Variants in ZNF385D observed in about 807,000 individuals in gnomAD.
The protein encoded by ZNF385D is zinc finger protein 385D, also known as zinc finger protein 659.
A neutral mutation model predicts 35.8 loss-of-function variants in ZNF385D; 15 were observed. That is an observed-to-expected ratio of 0.42 (90% CI 0.28 to 0.64). ZNF385D has a LOEUF of 0.64. Among genes scored for constraint, ZNF385D ranks in the 30% least tolerant of loss-of-function variants. The pLI, the probability that ZNF385D is intolerant of heterozygous loss-of-function variation, is 0.23. For synonymous variants in ZNF385D, 212 were observed against 186.8 expected (o/e 1.13, Z -1.10); for missense variants, 474 against 494.6 (o/e 0.96, Z 0.39).
At position 22,150,017 on chromosome 3, in the gene ZNF385D, G is replaced by A. The variant is rs1310231684; in HGVS notation, c.325+18800C>T. 2.0e-5 allele frequency among the ~76,000 whole-genome samples: 3 copies of A among 152,060 alleles called. No individual in the cohort carries two copies. The East Asian group carries it at 5.8e-4, about 29-fold the overall frequency. ...TCCAAATAACTCAGTTATTTCAGATGAAATAATGAATTAAAATTCACATAT... is the reference window on the plus strand; with the variant it reads ...TCCAAATAACTCAGTTATTTCAGATAAAATAATGAATTAAAATTCACATAT... On this transcript the variant is annotated intron_variant, in intron 3 of 5. Transcript: ENST00000494108.
intron 2 of ZNF385D, among the ~76,000 whole-genome samples, chr3:22,308,822 C>A (rs1321449167): frequency 6.6e-6 from 1 of 152,038 alleles, no homozygotes; most frequent in Non-Finnish European, 1.5e-5. Context: ...TGGATCTGCT[C>A]CGTTTTTCAT....
In ZNF385D at chr3:22,350,554, A is replaced by T. The variant is rs1695869252; in HGVS notation, c.106+21896T>A. On this transcript the variant is annotated intron_variant, in intron 2 of 5. Transcript: ENST00000494108. Reference sequence around the variant, plus strand: ...CTTGACAAACCTTAGCAAATTCTTAATTCAATTAATATTTGTTGAAGACAC... The same window carrying T: ...CTTGACAAACCTTAGCAAATTCTTATTTCAATTAATATTTGTTGAAGACAC... 2.6e-5 allele frequency among the ~76,000 whole-genome samples: 4 copies of T among 152,252 alleles called. No individual in the cohort carries two copies. The South Asian group carries it at 8.3e-4, about 31-fold the overall frequency.
intron 3 of ZNF385D, among the ~76,000 whole-genome samples, chr3:22,159,336 C>T (rs777944742): frequency 6.6e-6 from 1 of 151,916 alleles, no homozygotes; most frequent in Non-Finnish European, 1.5e-5. Context: ...TCTTTTTTGG[C>T]TTCACTTAAT....
At chr3:21,566,057 T>TTGTC (rs1319707928) in intron 2 of ZNF385D, among the ~76,000 whole-genome samples, 1 of 152,140 alleles carries the variant, frequency 6.6e-6, no homozygotes, top group African/African-American at 2.4e-5. Flanking sequence ...TCCTATTAGG[T>TTGTC]TGTCTAGGTA....
chr3:21,946,749 T>A (rs922671801), intron 3 of ZNF385D, among the ~76,000 whole-genome samples: 8 of 152,184 alleles, frequency 5.3e-5, no homozygotes, highest in Non-Finnish European at 1.0e-4. Flanking sequence ...GGAGAAACAC[T>A]TGAACCCAAG....
intron 3 of ZNF385D, among the ~76,000 whole-genome samples, chr3:21,927,276 T>C (rs1575935470): frequency 6.6e-6 from 1 of 152,130 alleles, no homozygotes; most frequent in African/African-American, 2.4e-5. Flanking sequence ...TAAATCTCTT[T>C]TTTTTTAATA....
chr3:21,728,827 T>C (rs12630769), intron 1 of ZNF385D, among the ~76,000 whole-genome samples: 25,427 of 152,208 alleles, frequency 0.17, 2,597 homozygotes, highest in Admixed American at 0.3. Context: ...ATGGCACTTA[T>C]TATATTCTAA....
intron 3 of ZNF385D, among the ~76,000 whole-genome samples, chr3:21,922,727 G>A (rs1161405437): frequency 2.0e-5 from 3 of 152,102 alleles, no homozygotes; most frequent in Admixed American, 1.3e-4. Context: ...CATCTGCTGT[G>A]GGAAGGAATT....
chr3:22,299,555 A>T (rs1702784270), intron 2 of ZNF385D, among the ~76,000 whole-genome samples: 1 of 151,900 alleles, frequency 6.6e-6, no homozygotes, highest in African/African-American at 2.4e-5. Context: ...GAACAACATG[A>T]TCTTACAAAT....
At chr3:21,958,108 T>C (rs1702385078) in intron 3 of ZNF385D, among the ~76,000 whole-genome samples, 1 of 152,122 alleles carries the variant, frequency 6.6e-6, no homozygotes, top group Admixed American at 6.6e-5. Context: ...CTAATCTTTA[T>C]CCTCCCTGAA....
intron 3 of ZNF385D, among the ~76,000 whole-genome samples, chr3:21,866,951 A>G (rs943015956): frequency 1.3e-5 from 2 of 152,106 alleles, no homozygotes; most frequent in Non-Finnish European, 2.9e-5. Context: ...GCCAGGCTGC[A>G]CCCAATACCC....
chr3:21,439,781 C>G (rs1223683189), intron 4 of ZNF385D, among the ~76,000 whole-genome samples: 1 of 152,032 alleles, frequency 6.6e-6, no homozygotes, highest in Non-Finnish European at 1.5e-5. Context: ...TTAGAGACAT[C>G]AGATTCTCTG....
intron 2 of ZNF385D, among the ~76,000 whole-genome samples, chr3:22,281,979 T>C (rs1308245706): frequency 3.9e-5 from 6 of 152,014 alleles, no homozygotes; most frequent in Admixed American, 6.6e-5. Context: ...TCTAGGAGGG[T>C]TGTATATTTC....
chr3:21,469,267 T>G (rs1703734882), intron 4 of ZNF385D, among the ~76,000 whole-genome samples: 1 of 152,158 alleles, frequency 6.6e-6, no homozygotes, highest in African/African-American at 2.4e-5. Context: ...GCCACAGACT[T>G]TTGTGCCAGG....
At chr3:22,211,041 G>T (rs1312922967) in intron 2 of ZNF385D, among the ~76,000 whole-genome samples, 1 of 151,862 alleles carries the variant, frequency 6.6e-6, no homozygotes, top group Non-Finnish European at 1.5e-5. Context: ...GCTTTTCCAA[G>T]AAATCTTTTC....
chr3:21,945,163 C>CACAT (rs1553704371), intron 3 of ZNF385D, among the ~76,000 whole-genome samples: 4 of 123,440 alleles, frequency 3.2e-5, no homozygotes, highest in Admixed American at 7.7e-5. Flanking sequence ...TATACACACA[C>CACAT]ATATATATAT....
intron 3 of ZNF385D, among the ~76,000 whole-genome samples, chr3:21,815,430 C>T (rs183862687): frequency 5.4e-4 from 82 of 152,210 alleles, no homozygotes; most frequent in African/African-American, 2.0e-3. Context: ...AAGTGATAGA[C>T]CACTAGCAAG....
intron 1 of ZNF385D, among the ~76,000 whole-genome samples, chr3:21,748,804 G>A (rs541601409): frequency 6.6e-5 from 10 of 152,278 alleles, no homozygotes; most frequent in East Asian, 3.9e-4. Context: ...ATGTGTGTGC[G>A]TACATACATA....
At chr3:21,755,853 A>G (rs1378848836), upstream of ZNF385D, among the ~76,000 whole-genome samples, 1 of 152,180 alleles carries the variant, frequency 6.6e-6, no homozygotes, top group East Asian at 1.9e-4. Context: ...TGGATGAAGA[A>G]CGCTGCAGAA....
Sources: allele counts gnomAD v4.1 joint callset (sites outside exome capture counted in the v4.1 genomes callset), GRCh38; gene constraint gnomAD v4.1.1; transcripts MANE v1.5; gene names NCBI Gene and HGNC (gene_info 2026-07-23, HGNC 2026-07-21).